The following SMAP1 variants were observed in gnomAD, a reference collection of about 807,000 sequenced individuals.
The protein encoded by SMAP1 is small ArfGAP 1.
A neutral mutation model predicts 58.5 loss-of-function variants in SMAP1; 24 were observed. The ratio of observed to expected loss-of-function variants is 0.41; its 90% CI spans 0.30 to 0.58. The LOEUF (loss-of-function observed/expected upper bound fraction) is 0.58. SMAP1 is among the 20% of genes least tolerant of loss of function. The probability of loss-of-function intolerance (pLI) is 0.29; values close to 1 mark genes in which losing one functional copy is unlikely to be tolerated. For synonymous variants in SMAP1, 216 were observed against 196.6 expected, an observed-to-expected ratio of 1.10 and a Z score of -0.82; for missense variants, 563 against 566.3, an observed-to-expected ratio of 0.99 and a Z score of 0.06.
At chr6:70,859,263 C>A in intron 10 of SMAP1, 1 of 1,155,062 alleles carries the variant, frequency 8.7e-7, no homozygotes, top group Non-Finnish European at 1.2e-6. Context: ...CATGCTGAAG[C>A]ACACCCAGCT....
chr6:70,687,564 C>T (rs1766984958), intron 1 of SMAP1, among the ~76,000 whole-genome samples: 1 of 152,002 alleles, frequency 6.6e-6, no homozygotes, highest in Non-Finnish European at 1.5e-5. Context: ...ATAATAGCTT[C>T]TTTACTCTTT....
intron 1 of SMAP1, among the ~76,000 whole-genome samples, chr6:70,716,742 T>C (rs753415089): frequency 2.6e-5 from 4 of 152,166 alleles, no homozygotes; most frequent in Admixed American, 1.3e-4. Context: ...GTTCTGTCAC[T>C]TTGTTGAGTT....
At chr6:70,788,646 G>T (rs1007187621) in intron 4 of SMAP1, among the ~76,000 whole-genome samples, 1 of 152,160 alleles carries the variant, frequency 6.6e-6, no homozygotes, top group Non-Finnish European at 1.5e-5. Flanking sequence ...CTAGCAAGAG[G>T]AAAGGCCCCT....
At chr6:70,687,953 C>T (rs1336588299) in intron 1 of SMAP1, among the ~76,000 whole-genome samples, 1 of 152,150 alleles carries the variant, frequency 6.6e-6, no homozygotes, top group Non-Finnish European at 1.5e-5. Context: ...ACATACTTTT[C>T]TCTGTCCCAC....
chr6:70,741,515 G>A (rs1206904825), intron 2 of SMAP1, among the ~76,000 whole-genome samples: 1 of 152,194 alleles, frequency 6.6e-6, no homozygotes, highest in Non-Finnish European at 1.5e-5. Flanking sequence ...CACCCCTATG[G>A]CTTTGCCCCT....
chr6:70,751,017 A>C (rs544367931), intron 2 of SMAP1, among the ~76,000 whole-genome samples: 1 of 152,198 alleles, frequency 6.6e-6, no homozygotes, highest in Non-Finnish European at 1.5e-5. Context: ...AGGCGGGCAG[A>C]TCATCTGAGG....
rs2128545216 is a variant in SMAP1 at position 70,667,984 on chromosome 6, G to A, written c.-40G>A. 6.5e-7 allele frequency: 1 copy of A among 1,531,518 alleles called. No homozygotes were observed. The highest frequency in any genetic ancestry group is 1.2e-5 in the South Asian group (1 of 83,932). 94.9% of individuals were successfully genotyped at this position (1,531,518 alleles called of 1,614,324 possible). On this transcript the variant is annotated 5_prime_UTR_variant, in exon 1 of 11. Coordinates refer to ENST00000370455, the MANE Select transcript of SMAP1 (RefSeq NM_001044305.3). Reference sequence around the variant, plus strand: ...TGCCCGGCTCCAGCCAGCGTCCGCCGCCGCCGTAGCTGCCCCAGGCTCCCC... The same window carrying A: ...TGCCCGGCTCCAGCCAGCGTCCGCCACCGCCGTAGCTGCCCCAGGCTCCCC...
At chr6:70,794,392 C>T (rs1768506544) in intron 5 of SMAP1, among the ~76,000 whole-genome samples, 2 of 152,068 alleles carry the variant, frequency 1.3e-5, no homozygotes, top group Admixed American at 1.3e-4. Context: ...ATCCTAATAC[C>T]ACTGCCAGAA....
intron 5 of SMAP1, among the ~76,000 whole-genome samples, chr6:70,794,666 CT>C (rs1193502784): frequency 6.6e-6 from 1 of 152,040 alleles, no homozygotes; most frequent in Non-Finnish European, 1.5e-5. Context: ...GTTTTCTGTC[CT>C]TGTGATAGTT....
chr6:70,718,834 A>AT (rs1768389929), intron 1 of SMAP1, among the ~76,000 whole-genome samples: 1 of 151,720 alleles, frequency 6.6e-6, no homozygotes, highest in South Asian at 2.1e-4. Flanking sequence ...AAAAAAAAAA[A>AT]AAAAAAAAGT....
chr6:70,754,599 A>AT (rs1258762901), intron 2 of SMAP1, among the ~76,000 whole-genome samples: 2 of 152,116 alleles, frequency 1.3e-5, no homozygotes. Flanking sequence ...CTCAAAAGAA[A>AT]GAAAACTTGT....
intron 1 of SMAP1, among the ~76,000 whole-genome samples, chr6:70,729,603 C>T (rs968477343): frequency 6.6e-6 from 1 of 151,978 alleles, no homozygotes; most frequent in African/African-American, 2.4e-5. Context: ...GGATCTCCTG[C>T]AGTTTTCTGA....
chr6:70,825,049 CTTG>C (rs1341773281), intron 6 of SMAP1, among the ~76,000 whole-genome samples: 1 of 152,182 alleles, frequency 6.6e-6, no homozygotes, highest in African/African-American at 2.4e-5. Context: ...CACTTGCAGT[CTTG>C]TACTGTGACT....
chr6:70,779,751 T>C (rs1185337919), intron 4 of SMAP1, among the ~76,000 whole-genome samples: 1 of 152,136 alleles, frequency 6.6e-6, no homozygotes, highest in Non-Finnish European at 1.5e-5. Context: ...GCATGTTGAA[T>C]AGAACTGCCC....
chr6:70,782,947 C>T (rs1767824249), intron 4 of SMAP1, among the ~76,000 whole-genome samples: 1 of 152,138 alleles, frequency 6.6e-6, no homozygotes, highest in Non-Finnish European at 1.5e-5. Context: ...GTCGTTCTCC[C>T]AGCACGCAGC....
In SMAP1 at chr6:70,757,848, A is replaced by G. The variant is rs531231326; in HGVS notation, c.338+2783A>G. ...CCATCTCACACCAGTTAGAATGGCAATCATTAAAAAGTCAGGAAACAACAG... is the reference window on the plus strand; with the variant it reads ...CCATCTCACACCAGTTAGAATGGCAGTCATTAAAAAGTCAGGAAACAACAG... On this transcript the variant is annotated intron_variant, in intron 3 of 10. Coordinates refer to ENST00000370455, the MANE Select transcript of SMAP1 (RefSeq NM_001044305.3). Among the ~76,000 whole-genome samples the G allele has an allele frequency of 5.3e-5, 8 of 152,266 alleles. No individual in the cohort carries two copies. The East Asian group carries it at 5.8e-4, about 11-fold the overall frequency.
intron 6 of SMAP1, among the ~76,000 whole-genome samples, chr6:70,817,194 A>G (rs1769675462): frequency 2.0e-5 from 3 of 151,474 alleles, no homozygotes; most frequent in Non-Finnish European, 4.4e-5. Context: ...CAAGCCGCAC[A>G]TTATTATTCT....
chr6:70,672,702 C>G (rs1766318526), intron 1 of SMAP1, among the ~76,000 whole-genome samples: 1 of 152,066 alleles, frequency 6.6e-6, no homozygotes, highest in African/African-American at 2.4e-5. Flanking sequence ...TGAATGAGCA[C>G]AGAGCCCCTG....
chr6:70,696,249 A>G (rs1767399850), intron 1 of SMAP1, among the ~76,000 whole-genome samples: 1 of 151,544 alleles, frequency 6.6e-6, no homozygotes, highest in Non-Finnish European at 1.5e-5. Context: ...AATTTCATTT[A>G]TTTCTACTCT....
Sources: allele counts gnomAD v4.1 joint callset (sites outside exome capture counted in the v4.1 genomes callset), GRCh38; gene constraint gnomAD v4.1.1; transcripts MANE v1.5; gene names NCBI Gene and HGNC (gene_info 2026-07-23, HGNC 2026-07-21).